The following NRXN1 variants were observed in gnomAD, a reference collection of about 807,000 sequenced individuals.
NRXN1 encodes neurexin 1, also known as neurexin-1.
In NRXN1, 39 loss-of-function variants were observed where a neutral mutation model predicts 150.9. That is an observed-to-expected ratio of 0.26 (90% CI 0.20 to 0.34). The LOEUF is 0.34. Among genes scored for constraint, NRXN1 ranks in the 10% least tolerant of loss-of-function variants. The pLI, the probability that NRXN1 is intolerant of heterozygous loss-of-function variation, is 1.00. For synonymous variants in NRXN1, 924 were observed against 757.0 expected, an observed-to-expected ratio of 1.22 and a Z score of -3.62; for missense variants, 1,815 against 1,949.9, an observed-to-expected ratio of 0.93 and a Z score of 1.30.
intron 15 of NRXN1, among the ~76,000 whole-genome samples, chr2:50,477,437 C>A (rs112116016): frequency 2.4e-4 from 37 of 152,166 alleles, no homozygotes; most frequent in African/African-American, 8.7e-4. Flanking sequence ...CCTTAGGGAA[C>A]GGAGGTTGGA....
intron 19 of NRXN1, among the ~76,000 whole-genome samples, chr2:50,084,713 A>T (rs1466259115): frequency 6.6e-6 from 1 of 152,166 alleles, no homozygotes; most frequent in Admixed American, 6.5e-5. Context: ...GCCGAGGCCG[A>T]GGAGGCACCG....
intron 5 of NRXN1, among the ~76,000 whole-genome samples, chr2:50,745,488 A>G (rs1699916250): frequency 1.4e-5 from 2 of 144,154 alleles, no homozygotes; most frequent in African/African-American, 5.2e-5. Context: ...CTGTCTTGGT[A>G]TAGCCTATCA....
chr2:50,463,661 T>C (rs904884388), intron 17 of NRXN1, among the ~76,000 whole-genome samples: 2 of 151,818 alleles, frequency 1.3e-5, no homozygotes, highest in Non-Finnish European at 3.0e-5. Context: ...TGGTTGTATC[T>C]TGGTGTTTCT....
intron 8 of NRXN1, among the ~76,000 whole-genome samples, chr2:50,597,031 T>A (rs897276341): frequency 3.3e-5 from 5 of 152,004 alleles, no homozygotes; most frequent in Non-Finnish European, 5.9e-5. Context: ...TTTTGTATTT[T>A]TTGTAGGGAT....
chr2:50,977,691 AATTT>A (rs1321111809), intron 2 of NRXN1, among the ~76,000 whole-genome samples: 1 of 151,874 alleles, frequency 6.6e-6, no homozygotes, highest in East Asian at 1.9e-4. Context: ...CAGAGTATGG[AATTT>A]ATCTAAGTTA....
intron 5 of NRXN1, among the ~76,000 whole-genome samples, chr2:50,715,776 CACTTCCT>C (rs1485247510): frequency 1.3e-5 from 2 of 152,168 alleles, no homozygotes; most frequent in Non-Finnish European, 2.9e-5. Flanking sequence ...ACTCAAATGC[CACTTCCT>C]CTCTGAAGCC....
chr2:50,896,825 C>T (rs1447942132), intron 5 of NRXN1, among the ~76,000 whole-genome samples: 3 of 149,394 alleles, frequency 2.0e-5, no homozygotes, highest in East Asian at 2.0e-4. Flanking sequence ...CCAGCCTGGG[C>T]GACAGAGCAA....
At chr2:50,196,275 G>A (rs1430367946) in intron 18 of NRXN1, among the ~76,000 whole-genome samples, 2 of 152,038 alleles carry the variant, frequency 1.3e-5, no homozygotes, top group African/African-American at 4.8e-5. Context: ...AGTCACTCAT[G>A]GGGTTCTAAT....
chr2:50,518,483 T>C (rs530173372), intron 12 of NRXN1, among the ~76,000 whole-genome samples: 1 of 152,036 alleles, frequency 6.6e-6, no homozygotes, highest in South Asian at 2.1e-4. Flanking sequence ...AGGGTTATAC[T>C]GATTTATAGT....
intron 18 of NRXN1, among the ~76,000 whole-genome samples, chr2:50,148,449 T>A (rs535822347): frequency 6.6e-6 from 1 of 151,258 alleles, no homozygotes; most frequent in Non-Finnish European, 1.5e-5. Flanking sequence ...CACAAATACA[T>A]GAAGGGCAAA....
At chr2:50,711,049 A>G (rs1247267540) in intron 5 of NRXN1, among the ~76,000 whole-genome samples, 1 of 152,172 alleles carries the variant, frequency 6.6e-6, no homozygotes, top group Non-Finnish European at 1.5e-5. Flanking sequence ...TTAATATAAA[A>G]TAGAAACTTC....
chr2:50,611,055 G>T (rs969808594), intron 8 of NRXN1, among the ~76,000 whole-genome samples: 3 of 149,766 alleles, frequency 2.0e-5, no homozygotes, highest in Admixed American at 1.4e-4. Flanking sequence ...GCCCATACTA[G>T]ATAGTTTTAA....
intron 17 of NRXN1, among the ~76,000 whole-genome samples, chr2:50,259,759 T>C (rs2068063255): frequency 1.3e-5 from 2 of 151,900 alleles, no homozygotes; most frequent in Non-Finnish European, 2.9e-5. Flanking sequence ...AAGAAATCAT[T>C]TTATGAAACA....
intron 17 of NRXN1, among the ~76,000 whole-genome samples, chr2:50,381,163 T>C (rs1292889325): frequency 1.3e-5 from 2 of 152,032 alleles, no homozygotes; most frequent in Admixed American, 6.6e-5. Flanking sequence ...AGAGTTCAGG[T>C]TGAAGAGAGA....
At position 49,919,967 on chromosome 2, in the gene NRXN1, T is replaced by C. The variant is rs954065666; in HGVS notation, c.*1977A>G. 3.3e-5 allele frequency: 5 copies of C among 152,166 alleles called. No homozygotes were observed. The highest frequency in any genetic ancestry group is 7.4e-5 in the Non-Finnish European group (5 of 68,006). 9.4% of individuals were successfully genotyped at this position (152,166 alleles called of 1,614,324 possible). On this transcript the variant is annotated 3_prime_UTR_variant, in exon 23 of 23. Transcript: ENST00000401669. The stretch of plus-strand genomic sequence containing the variant: ...CTGATTAAAGCTAATTGGAAAGATA[T>C]TCTTCTCTTCTACAAAATTTTTTAT...
intron 12 of NRXN1, among the ~76,000 whole-genome samples, chr2:50,510,033 C>A (rs1436337556): frequency 1.3e-5 from 2 of 152,104 alleles, no homozygotes. Context: ...AAGGCCCTCA[C>A]CAAGAGCCAA....
At chr2:50,643,597 G>A (rs116585832) in intron 5 of NRXN1, among the ~76,000 whole-genome samples, 1,610 of 151,804 alleles carry the variant, frequency 0.011, 15 homozygotes, top group Non-Finnish European at 0.015. Context: ...GTATGATATT[G>A]GAATCTAATT....
At chr2:50,690,781 A>G (rs1438883443) in intron 5 of NRXN1, among the ~76,000 whole-genome samples, 7 of 152,198 alleles carry the variant, frequency 4.6e-5, no homozygotes, top group Admixed American at 4.6e-4. Flanking sequence ...GCCAAAGAAG[A>G]TAAAATATGT....
intron 22 of NRXN1, among the ~76,000 whole-genome samples, chr2:49,940,000 C>T (rs1351464349): frequency 6.6e-6 from 1 of 152,082 alleles, no homozygotes; most frequent in Non-Finnish European, 1.5e-5. Flanking sequence ...TTTACTAGTA[C>T]TCAAGATGAT....
Sources: gnomAD v4.1 joint callset for allele counts (sites outside exome capture counted in the v4.1 genomes callset) on GRCh38, gnomAD v4.1.1 for gene constraint, MANE v1.5 for transcripts, NCBI Gene and HGNC (gene_info 2026-07-23, HGNC 2026-07-21) for gene names.